Variants in DIAPH2 observed in about 807,000 individuals in gnomAD.
DIAPH2 encodes the protein protein diaphanous homolog 2.
In DIAPH2, 35 loss-of-function variants were observed where a neutral mutation model predicts 92.7. The ratio of observed to expected loss-of-function variants is 0.38; its 90% CI spans 0.29 to 0.50. The LOEUF (loss-of-function observed/expected upper bound fraction) is 0.50. Among genes scored for constraint, DIAPH2 ranks in the 20% least tolerant of loss-of-function variants. The pLI is 0.94. For missense variants in DIAPH2, 701 were observed against 819.5 expected, an observed-to-expected ratio of 0.86 and a Z score of 1.77; for synonymous variants, 301 against 280.4, an observed-to-expected ratio of 1.07 and a Z score of -0.73.
At chrX:97,102,896 G>A (rs1361306534) in intron 20 of DIAPH2, among the ~76,000 whole-genome samples, 2 of 111,205 alleles carry the variant, frequency 1.8e-5, no homozygotes, top group Admixed American at 9.5e-5. Context: ...GCTGACATCA[G>A]GCCACTGCAC....
In DIAPH2 at chrX:97,483,297, T is replaced by C. The variant is rs369922916; in HGVS notation, c.3241+53552T>C. 7.2e-5 allele frequency among the ~76,000 whole-genome samples: 8 copies of C among 111,247 alleles called. No homozygotes were observed. In the East Asian group the frequency reaches 2.3e-3, roughly 31 times the overall value. On this transcript the variant is annotated intron_variant, in intron 26 of 26. Transcript: ENST00000324765. ...ATTTCCTTGAAGCAATAGGTAATAA[T>C]GAAGCTTGTCCTTAGATTTGTGAGT...
chrX:97,460,521 T>G (rs950603824), intron 26 of DIAPH2, among the ~76,000 whole-genome samples: 3 of 112,018 alleles, frequency 2.7e-5, no homozygotes, highest in African/African-American at 9.7e-5. Flanking sequence ...AGAAAACAGT[T>G]GATTTCTAGG....
chrX:97,209,314 A>G (rs187937425), intron 22 of DIAPH2, among the ~76,000 whole-genome samples: 1 of 111,247 alleles, frequency 9.0e-6, no homozygotes, highest in East Asian at 2.8e-4. Flanking sequence ...CAGTAGTTTT[A>G]TGTATTTTAT....
chrX:96,904,455 A>T (rs1471295641), intron 5 of DIAPH2, among the ~76,000 whole-genome samples: 1 of 112,035 alleles, frequency 8.9e-6, no homozygotes, highest in African/African-American at 3.2e-5. Context: ...GTGGACGTAT[A>T]TGTTTTTATG....
At chrX:97,482,456 C>T (rs1404593497) in intron 26 of DIAPH2, among the ~76,000 whole-genome samples, 2 of 111,512 alleles carry the variant, frequency 1.8e-5, no homozygotes, top group African/African-American at 6.5e-5. Context: ...AATGGCTCCC[C>T]ATACCATTTT....
intron 22 of DIAPH2, among the ~76,000 whole-genome samples, chrX:97,181,697 A>C (rs1380254256): frequency 8.9e-6 from 1 of 112,676 alleles, no homozygotes; most frequent in Non-Finnish European, 1.9e-5. Flanking sequence ...GGCGTGAGCC[A>C]CCACGCCCGG....
intron 26 of DIAPH2, among the ~76,000 whole-genome samples, chrX:97,544,167 A>T (rs1458209839): frequency 9.0e-6 from 1 of 111,725 alleles, no homozygotes; most frequent in Admixed American, 9.6e-5. Context: ...CCAGCACTTC[A>T]CTAGAGATAC....
Position 96,999,725 on chromosome X carries a change from A to G in DIAPH2, c.2050+34518A>G, listed in dbSNP as rs1310629864. Among the ~76,000 whole-genome samples the G allele has an allele frequency of 6.3e-5, 7 of 110,981 alleles. No individual in the cohort carries two copies. In the East Asian group the frequency reaches 8.5e-4, roughly 13 times the overall value. On this transcript the variant is annotated intron_variant, in intron 17 of 26. Transcript: ENST00000324765. ...GGGCTAAAATTAACACTGAAATGCAATTGATATAGTTTGGCTGTGTTCCCA... is the reference window on the plus strand; with the variant it reads ...GGGCTAAAATTAACACTGAAATGCAGTTGATATAGTTTGGCTGTGTTCCCA...
At chrX:97,395,356 A>G (rs1470608053) in intron 25 of DIAPH2, among the ~76,000 whole-genome samples, 2 of 111,796 alleles carry the variant, frequency 1.8e-5, no homozygotes, top group Non-Finnish European at 3.8e-5. Flanking sequence ...TTGGCTTTAC[A>G]TGTTACACAG....
At chrX:97,568,264 T>C (rs185866681) in intron 26 of DIAPH2, among the ~76,000 whole-genome samples, 33 of 110,702 alleles carry the variant, frequency 3.0e-4, no homozygotes, top group African/African-American at 1.1e-3. Flanking sequence ...TAGGAGCTGA[T>C]AAAACCGTTT....
intron 17 of DIAPH2, among the ~76,000 whole-genome samples, chrX:97,000,773 G>A (rs190279136): frequency 8.9e-6 from 1 of 111,871 alleles, no homozygotes; most frequent in African/African-American, 3.2e-5. Flanking sequence ...TTATCCATCA[G>A]TTCACCATCT....
At chrX:97,247,202 A>G (rs2068149830) in intron 22 of DIAPH2, among the ~76,000 whole-genome samples, 1 of 111,681 alleles carries the variant, frequency 9.0e-6, no homozygotes, top group Non-Finnish European at 1.9e-5. Context: ...CTGTATCAAC[A>G]GTTATTTTTC....
At chrX:96,909,661 C>T (rs1248878843) in intron 5 of DIAPH2, among the ~76,000 whole-genome samples, 1 of 111,485 alleles carries the variant, frequency 9.0e-6, no homozygotes, top group African/African-American at 3.3e-5. Context: ...GCCTCCTCTG[C>T]CCATTGGCCT....
At chrX:97,053,203 G>C (rs2066532873) in intron 17 of DIAPH2, among the ~76,000 whole-genome samples, 1 of 111,388 alleles carries the variant, frequency 9.0e-6, no homozygotes, top group African/African-American at 3.3e-5. Flanking sequence ...TGATGCTCAA[G>C]TTCATCTGGG....
chrX:97,023,377 C>T (rs1013946722), intron 17 of DIAPH2, among the ~76,000 whole-genome samples: 7 of 111,792 alleles, frequency 6.3e-5, no homozygotes, highest in African/African-American at 2.0e-4. Context: ...TACTTACAAA[C>T]ACATATCTAG....
At chrX:97,104,876 G>A (rs978499306) in intron 20 of DIAPH2, among the ~76,000 whole-genome samples, 1 of 112,025 alleles carries the variant, frequency 8.9e-6, no homozygotes, top group African/African-American at 3.2e-5. Flanking sequence ...GGTGGCTCAC[G>A]TCTGAATCCC....
At chrX:97,487,357 C>A (rs2070696080) in intron 26 of DIAPH2, among the ~76,000 whole-genome samples, 2 of 111,231 alleles carry the variant, frequency 1.8e-5, no homozygotes, top group Middle Eastern at 4.6e-3. Flanking sequence ...TCACTGTAAC[C>A]TCCACCTCCT....
At chrX:97,415,622 A>G (rs2069935330) in intron 25 of DIAPH2, among the ~76,000 whole-genome samples, 1 of 96,228 alleles carries the variant, frequency 1.0e-5, no homozygotes, top group Non-Finnish European at 2.0e-5. Context: ...CAAACACCGC[A>G]TGTTCTCACT....
At chrX:97,117,146 G>A (rs1432580276) in intron 21 of DIAPH2, among the ~76,000 whole-genome samples, 1 of 108,711 alleles carries the variant, frequency 9.2e-6, no homozygotes, top group Non-Finnish European at 1.9e-5. Flanking sequence ...TTATCTTCTG[G>A]GAAATTTTCT....
Sources: gnomAD v4.1 joint callset for allele counts (sites outside exome capture counted in the v4.1 genomes callset) on GRCh38, gnomAD v4.1.1 for gene constraint, MANE v1.5 for transcripts, NCBI Gene and HGNC (gene_info 2026-07-23, HGNC 2026-07-21) for gene names.